The following CORO7 variants were observed in gnomAD, a reference collection of about 807,000 sequenced individuals.
The protein encoded by CORO7 is coronin 7, also known as coronin-7.
A neutral mutation model predicts 126.6 loss-of-function variants in CORO7; 107 were observed. That is an observed-to-expected ratio of 0.85 (90% CI 0.72 to 0.99). The LOEUF is 0.99. CORO7 is among the 50% of genes least tolerant of loss of function. The pLI, the probability that CORO7 is intolerant of heterozygous loss-of-function variation, is 0.00. For missense variants in CORO7, 1,314 were observed against 1,255.8 expected, an observed-to-expected ratio of 1.05 and a Z score of -0.70; for synonymous variants, 603 against 536.8, an observed-to-expected ratio of 1.12 and a Z score of -1.70.
chr16:4,374,752 G>A (rs1161511823), intron 9 of CORO7, among the ~76,000 whole-genome samples: 4 of 152,044 alleles, frequency 2.6e-5, no homozygotes, highest in South Asian at 2.1e-4. Flanking sequence ...AGAACCCTGG[G>A]TGATTGTGGG....
intron 9 of CORO7, chr16:4,382,715 G>C: frequency 6.4e-7 from 1 of 1,551,316 alleles, no homozygotes; most frequent in South Asian, 1.2e-5. Flanking sequence ...CAGGACAAAG[G>C]GCAGGTGGGG....
At chr16:4,408,089 C>A in intron 4 of CORO7, 92 bp downstream of exon 4, 2 of 1,581,858 alleles carry the variant, frequency 1.3e-6, no homozygotes, top group Non-Finnish European at 1.7e-6. Flanking sequence ...GACTGGGAGG[C>A]AGCAGAGCCC....
intron 9 of CORO7, among the ~76,000 whole-genome samples, chr16:4,386,280 G>A (rs2055190971): frequency 6.6e-6 from 1 of 152,190 alleles, no homozygotes; most frequent in African/African-American, 2.4e-5. Flanking sequence ...TTGGCCAGTG[G>A]CACCGTGAGG....
rs150440383 is a variant in CORO7 at position 4,355,298 on chromosome 16, G to C, written c.2760C>G (p.Asp920Glu). 1,090 of 1,613,476 alleles carry C rather than the reference G, an allele frequency of 6.8e-4. 1 individual carries two copies. Among genetic ancestry groups the C allele is most frequent in the Non-Finnish European group, 8.5e-4 (1,004 of 1,179,944 alleles). ...PLPQDSFEGV[D>E]EDEWD ...ACTCACTACTCACCCACTCGTCCTC[G>C]TCCACGCCTTCAAAGGAGTCCTGGG... The change falls in exon 27 of 28, where the codon GAC becomes GAG. Residue 920 changes from aspartate to glutamate, a missense_variant. Physicochemically the swap from Asp to Glu is conservative, Grantham distance 45. Coordinates refer to ENST00000251166, the MANE Select transcript of CORO7 (RefSeq NM_024535.5).
Position 4,359,508 on chromosome 16 carries a change from T to G in CORO7, c.2222A>C (p.Asp741Ala). 1 of 1,613,474 alleles carries G rather than the reference T, an allele frequency of 6.2e-7. No individual in the cohort carries two copies. Among genetic ancestry groups the G allele is most frequent in the South Asian group, 1.1e-5 (1 of 91,084 alleles). The change falls in exon 22 of 28, where the codon GAC becomes GCC. Residue 741 changes from aspartate (D) to alanine (A), a missense_variant. Transcript: ENST00000251166. ...PSTLLPSYDP[D>A]TGLVLLTGKG... ...GCCGGTCAGGAGCACCAGGCCAGTG[T>G]CTGGGTCGTAGCTGGGCAGCAGGGT...
At chr16:4,361,515 A>C in intron 16 of CORO7, 46 bp from the exon 17 acceptor site, 2 of 1,598,336 alleles carry the variant, frequency 1.3e-6, no homozygotes, top group Non-Finnish European at 8.5e-7. Context: ...ACCAGGCAGA[A>C]AAGCCAGTCC....
Position 4,381,869 on chromosome 16 carries a change from C to A in CORO7, c.785+6117G>T, listed in dbSNP as rs376035961. ...CCTGAGGAGACGCGCTGCCACTTCC[C>A]GCCCAAGAACGCTGGCCGGCTGCTC... On this transcript the variant is annotated intron_variant, in intron 9 of 27. Coordinates refer to ENST00000251166, the MANE Select transcript of CORO7 (RefSeq NM_024535.5). The A allele has an allele frequency of 1.2e-6, 2 of 1,603,540 alleles. No individual in the cohort carries two copies. Among genetic ancestry groups the A allele is most frequent in the Admixed American group, 3.3e-5 (2 of 59,924 alleles).
intron 9 of CORO7, among the ~76,000 whole-genome samples, chr16:4,374,743 G>C (rs1044292733): frequency 3.9e-5 from 6 of 152,186 alleles, no homozygotes; most frequent in African/African-American, 1.4e-4. Context: ...GGTTGGCCAA[G>C]AACCCTGGGT....
chr16:4,381,412 A>C, intron 9 of CORO7: 1 of 1,585,684 alleles, frequency 6.3e-7, no homozygotes, highest in Non-Finnish European at 8.6e-7. Flanking sequence ...CCTCAGCCAC[A>C]ACAGCCTCCT....
rs752844832 is a variant in CORO7 at position 4,412,386 on chromosome 16, G to T, written c.202C>A (p.Arg68=). The part of the protein sequence containing the change: ...VPLQGQGEDK[R]RVAHLGCHSD... ...TGGCAGCCCAGGTGGGCCACGCGTCGCTTGTCCTCTCCTTGGCCTTGCAGA... is the reference window on the plus strand; with the variant it reads ...TGGCAGCCCAGGTGGGCCACGCGTCTCTTGTCCTCTCCTTGGCCTTGCAGA... The change falls in exon 3 of 28, where the codon CGA becomes AGA. Residue 68 remains arginine, a synonymous_variant. Transcript: ENST00000251166. 6 of 1,614,054 alleles carry T rather than the reference G, an allele frequency of 3.7e-6. No individual in the cohort carries two copies. The African/African-American group carries it at 8.0e-5, about 22-fold the overall frequency.
At chr16:4,384,240 C>T (rs1043684139) in intron 9 of CORO7, among the ~76,000 whole-genome samples, 1 of 152,232 alleles carries the variant, frequency 6.6e-6, no homozygotes, top group African/African-American at 2.4e-5. Context: ...TGGGATGCCC[C>T]CTCAGCCCCT....
intron 1 of CORO7, among the ~76,000 whole-genome samples, chr16:4,416,134 G>C (rs1567311229): frequency 6.6e-6 from 1 of 152,134 alleles, no homozygotes; most frequent in Non-Finnish European, 1.5e-5. Context: ...CCGACCGGAA[G>C]CTGGGAAGGC....
chr16:4,362,081 G>A lies in CORO7; in HGVS notation c.1482C>T (p.Asn494=), dbSNP rs768600317. 5.1e-5 allele frequency: 83 copies of A among 1,613,052 alleles called. No homozygotes were observed. The highest frequency in any genetic ancestry group is 1.7e-4 in the Admixed American group (10 of 59,984). ...CGTCACTCTCACCAGGTGTGGTGAG[G>A]TTGAGCCCCTTGAGGTTGGTGATGT... ...DSHITNLKGL[N]LTTPGESDGF... Residue 494 remains asparagine, a synonymous_variant, in exon 16 of 28, where the codon AAC becomes AAT. Coordinates refer to ENST00000251166, the MANE Select transcript of CORO7 (RefSeq NM_024535.5). This position sits in a 1 kb window ranked among gnomAD's most constrained non-coding sequence, Gnocchi z 5.3.
In CORO7 at chr16:4,364,542, C is replaced by T. The variant is rs115209306; in HGVS notation, c.1137+55G>A. On this transcript the variant is annotated intron_variant, in intron 13 of 27. Transcript: ENST00000251166. ...CAGACTGAGTTGGCACACAGCCACA[C>T]GGGGCTACCAGGGACTCGGGGAGGC... is the stretch of plus-strand genomic sequence containing the variant. The T allele has an allele frequency of 1.8e-3, 2,792 of 1,522,972 alleles. 40 individuals are homozygous for T. In the African/African-American group the frequency reaches 0.031, roughly 17 times the overall value. The allele number at this position is 1,522,972 out of a possible 1,614,324, so 94.3% of individuals were successfully genotyped here. A position where few individuals can be genotyped will look rare whatever the true frequency, so the allele number is the denominator to read the frequency against.
At chr16:4,369,001 G>T (rs545664415) in intron 9 of CORO7, among the ~76,000 whole-genome samples, 1 of 152,336 alleles carries the variant, frequency 6.6e-6, no homozygotes, top group East Asian at 1.9e-4. Context: ...CCACCTCATG[G>T]CATCAGAGGC....
chr16:4,363,559 C>T (rs1299210098), intron 14 of CORO7, among the ~76,000 whole-genome samples: 1 of 149,350 alleles, frequency 6.7e-6, no homozygotes, highest in Non-Finnish European at 1.5e-5. Context: ...ACTAAAGATA[C>T]AAATTAGCCA....
intron 6 of CORO7, among the ~76,000 whole-genome samples, chr16:4,401,208 C>T (rs1012967752): frequency 5.3e-5 from 8 of 152,198 alleles, no homozygotes; most frequent in South Asian, 2.1e-4. Context: ...CAAAGGCATT[C>T]GAGGAAGGTA....
chr16:4,355,394 G>C, intron 26 of CORO7, 22 bp from the exon 27 acceptor site: 1 of 1,600,342 alleles, frequency 6.2e-7, no homozygotes, highest in Non-Finnish European at 8.5e-7. Flanking sequence ...GGCAGAAGAA[G>C]GGTAGGTAAG....
intron 6 of CORO7, among the ~76,000 whole-genome samples, chr16:4,398,652 C>T (rs9927416): frequency 0.098 from 13,979 of 142,762 alleles, 1,061 homozygotes; most frequent in African/African-American, 0.22. Flanking sequence ...GGCAACAGAG[C>T]AAGACTCCAT....
Sources: allele counts gnomAD v4.1 joint callset (sites outside exome capture counted in the v4.1 genomes callset), GRCh38; gene constraint gnomAD v4.1.1; non-coding constraint Gnocchi (gnomAD v3.1); transcripts MANE v1.5; gene names NCBI Gene and HGNC (gene_info 2026-07-23, HGNC 2026-07-21).